Variants in LRP1B observed in about 807,000 individuals in gnomAD.
The protein encoded by LRP1B is LDL receptor related protein 1B, also known as low-density lipoprotein receptor-related protein 1B.
Under a neutral mutation model 556.6 loss-of-function variants are expected in LRP1B, and 217 were observed. The observed-to-expected ratio is 0.39, with a 90% CI of 0.35 to 0.44. LRP1B has a LOEUF of 0.44. Among genes scored for constraint, LRP1B ranks in the 20% least tolerant of loss-of-function variants. LRP1B has a pLI of 1.00. For synonymous variants in LRP1B, 2,047 were observed against 1,865.8 expected, an observed-to-expected ratio of 1.10 and a Z score of -2.50; for missense variants, 5,053 against 5,620.8, an observed-to-expected ratio of 0.90 and a Z score of 3.23.
intron 37 of LRP1B, among the ~76,000 whole-genome samples, chr2:140,708,289 C>T (rs1686911657): frequency 6.6e-6 from 1 of 151,508 alleles, no homozygotes; most frequent in East Asian, 1.9e-4. Context: ...AAGATATAGG[C>T]CATTTGAGTT....
At chr2:140,305,339 T>C (rs1684020301) in intron 83 of LRP1B, among the ~76,000 whole-genome samples, 1 of 152,204 alleles carries the variant, frequency 6.6e-6, no homozygotes, top group Non-Finnish European at 1.5e-5. Flanking sequence ...TGTTGAGCAG[T>C]GGTTTGTATT....
chr2:140,951,416 T>G (rs1486105837), intron 19 of LRP1B, among the ~76,000 whole-genome samples: 1 of 152,178 alleles, frequency 6.6e-6, no homozygotes, highest in Non-Finnish European at 1.5e-5. Context: ...TGGCATAATT[T>G]AGCATAGTAA....
chr2:141,882,585 A>G (rs1034677231), intron 1 of LRP1B, among the ~76,000 whole-genome samples: 1 of 152,210 alleles, frequency 6.6e-6, no homozygotes, highest in Non-Finnish European at 1.5e-5. Flanking sequence ...AATAAGCGTC[A>G]AATCTCATTA....
At chr2:141,624,037 A>AAAAAAAAAC (rs1688611131) in intron 2 of LRP1B, among the ~76,000 whole-genome samples, 3 of 24,212 alleles carry the variant, frequency 1.2e-4, no homozygotes, top group Non-Finnish European at 3.9e-4. Context: ...AAAATTAAAC[A>AAAAAAAAAC]AAAAAAAAAA....
chr2:142,062,410 C>A (rs1161098978), intron 1 of LRP1B, among the ~76,000 whole-genome samples: 1 of 151,696 alleles, frequency 6.6e-6, no homozygotes, highest in African/African-American at 2.4e-5. Context: ...TACCATGAAG[C>A]CTGCCAATCA....
intron 35 of LRP1B, among the ~76,000 whole-genome samples, chr2:140,718,593 A>C (rs867577745): frequency 2.6e-5 from 4 of 152,064 alleles, no homozygotes; most frequent in Admixed American, 2.6e-4. Flanking sequence ...AAATATAAAT[A>C]AGTTAGAATG....
intron 71 of LRP1B, among the ~76,000 whole-genome samples, chr2:140,365,356 T>C (rs954510007): frequency 2.0e-5 from 3 of 151,708 alleles, no homozygotes; most frequent in African/African-American, 7.2e-5. Flanking sequence ...CAGTAAAGCA[T>C]TATTTTTTGG....
chr2:140,672,642 T>C (rs12691555), intron 41 of LRP1B, among the ~76,000 whole-genome samples: 129,551 of 152,116 alleles, frequency 0.85, 55,866 homozygotes, highest in Non-Finnish European at 0.93. Context: ...TTCTTCCTTT[T>C]TGATGGGTTT....
intron 20 of LRP1B, among the ~76,000 whole-genome samples, chr2:140,936,500 G>A (rs1695215930): frequency 6.6e-6 from 1 of 151,950 alleles, no homozygotes; most frequent in Admixed American, 6.6e-5. Flanking sequence ...AAAAGCTTAG[G>A]GAGTTCCTTA....
chr2:141,617,808 A>G (rs915441832), intron 2 of LRP1B, among the ~76,000 whole-genome samples: 38 of 152,218 alleles, frequency 2.5e-4, no homozygotes, highest in African/African-American at 8.7e-4. Context: ...CACTCTAAAA[A>G]GTAGAGAGTG....
intron 1 of LRP1B, among the ~76,000 whole-genome samples, chr2:141,846,510 C>A (rs1012068711): frequency 2.0e-5 from 3 of 151,380 alleles, no homozygotes; most frequent in African/African-American, 7.3e-5. Flanking sequence ...ATGTGGGGAG[C>A]TATTATTCCC....
rs895017577 is a variant in LRP1B at position 142,123,937 on chromosome 2, T to C, written c.82+6711A>G. ...ACACCTTTGAAAAGCGTTACGTATT[T>C]ACAACTATTCTGCAATATTTAAGAA... On this transcript the variant is annotated intron_variant, in intron 1 of 90. Transcript: ENST00000389484. Among the ~76,000 whole-genome samples, 7 of 152,074 alleles carry C rather than the reference T, an allele frequency of 4.6e-5. No homozygotes were observed. In the East Asian group the frequency reaches 1.4e-3, roughly 29 times the overall value.
chr2:142,117,406 C>G (rs2105006601), intron 1 of LRP1B, among the ~76,000 whole-genome samples: 1 of 152,196 alleles, frequency 6.6e-6, no homozygotes, highest in Non-Finnish European at 1.5e-5. Flanking sequence ...GTCGAAATAT[C>G]TAGTCATTAT....
chr2:140,648,767 G>T (rs1235249748), intron 41 of LRP1B, among the ~76,000 whole-genome samples: 2 of 152,164 alleles, frequency 1.3e-5, no homozygotes, highest in African/African-American at 4.8e-5. Context: ...GATCCCAGGA[G>T]CCAGATGATG....
chr2:141,814,813 T>G (rs1696477093), intron 1 of LRP1B, among the ~76,000 whole-genome samples: 2 of 151,978 alleles, frequency 1.3e-5, no homozygotes, highest in African/African-American at 2.4e-5. Flanking sequence ...TGAAAAACTA[T>G]AGGAATAGAA....
At chr2:140,776,378 C>T (rs1689498826) in intron 32 of LRP1B, 140 bp from the exon 33 acceptor site, 1 of 516,236 alleles carries the variant, frequency 1.9e-6, no homozygotes, top group Non-Finnish European at 3.0e-6. Flanking sequence ...AGTAAAATCA[C>T]TGTCACATTT....
chr2:141,259,270 T>C (rs1684598426), intron 3 of LRP1B, among the ~76,000 whole-genome samples: 1 of 152,090 alleles, frequency 6.6e-6, no homozygotes, highest in African/African-American at 2.4e-5. Flanking sequence ...TGTTGAGGCC[T>C]TTGTCTCTGC....
intron 1 of LRP1B, among the ~76,000 whole-genome samples, chr2:141,885,107 T>C (rs2104901423): frequency 6.6e-6 from 1 of 152,348 alleles, no homozygotes; most frequent in South Asian, 2.1e-4. Flanking sequence ...TAAATTGTGA[T>C]GTGCTTATGA....
intron 2 of LRP1B, among the ~76,000 whole-genome samples, chr2:141,535,962 T>G (rs1685057289): frequency 6.6e-6 from 1 of 152,148 alleles, no homozygotes; most frequent in African/African-American, 2.4e-5. Flanking sequence ...CTCTTACTTA[T>G]AGAAAATCTA....
Sources: gnomAD v4.1 joint callset for allele counts (sites outside exome capture counted in the v4.1 genomes callset) on GRCh38, gnomAD v4.1.1 for gene constraint, MANE v1.5 for transcripts, NCBI Gene and HGNC (gene_info 2026-07-23, HGNC 2026-07-21) for gene names.